RNF130: variants seen among roughly 807,000 people sequenced by gnomAD.
RNF130 encodes the protein E3 ubiquitin-protein ligase RNF130.
RNF130 carries 21 observed loss-of-function variants against 44.6 expected under a neutral mutation model. That is an observed-to-expected ratio of 0.47 (90% CI 0.33 to 0.68). RNF130 has a LOEUF of 0.68. RNF130 is among the 30% of genes least tolerant of loss of function. The probability of loss-of-function intolerance (pLI) is 0.02; values close to 1 mark genes in which losing one functional copy is unlikely to be tolerated. For synonymous variants in RNF130, 214 were observed against 210.4 expected (o/e 1.02, Z -0.15); for missense variants, 479 against 560.6 (o/e 0.85, Z 1.47).
intron 7 of RNF130, among the ~76,000 whole-genome samples, chr5:179,926,502 A>C (rs1761709157): frequency 6.6e-6 from 1 of 151,520 alleles, no homozygotes; most frequent in African/African-American, 2.4e-5. Flanking sequence ...AAAAAAAATT[A>C]GCCGGGTGTG....
intron 7 of RNF130, among the ~76,000 whole-genome samples, chr5:179,928,629 T>C (rs975525825): frequency 2.5e-5 from 3 of 119,536 alleles, no homozygotes; most frequent in African/African-American, 4.2e-5. Context: ...TTAATTGTTG[T>C]TGTTTTTTTT....
At chr5:179,984,723 T>G (rs1020023881) in intron 3 of RNF130, among the ~76,000 whole-genome samples, 3 of 152,164 alleles carry the variant, frequency 2.0e-5, no homozygotes, top group East Asian at 3.9e-4. Context: ...CTGTCTAGTT[T>G]TGGTATTAGG....
chr5:179,925,733 A>G (rs906762033), intron 7 of RNF130, among the ~76,000 whole-genome samples: 5 of 152,088 alleles, frequency 3.3e-5, no homozygotes, highest in Non-Finnish European at 7.4e-5. Flanking sequence ...GGGTCTTGTT[A>G]GGTTGACCAG....
chr5:180,018,764 C>A (rs549156350), intron 2 of RNF130, among the ~76,000 whole-genome samples: 10 of 152,334 alleles, frequency 6.6e-5, no homozygotes, highest in African/African-American at 2.4e-4. Context: ...CCAACACAGT[C>A]CTGCCAGCTA....
chr5:179,933,414 G>GTGTGTGTGTGTGTGTGTGTGTA (rs1191114340), intron 7 of RNF130, among the ~76,000 whole-genome samples: 2 of 151,826 alleles, frequency 1.3e-5, no homozygotes, highest in Non-Finnish European at 2.9e-5. Context: ...GTGTGTGTGT[G>GTGTGTGTGTGTGTGTGTGTGTA]TGTGTGTGAG....
At chr5:180,065,394 G>A (rs1226380898) in intron 1 of RNF130, among the ~76,000 whole-genome samples, 2 of 152,136 alleles carry the variant, frequency 1.3e-5, no homozygotes, top group African/African-American at 2.4e-5. Context: ...TTATGGCTGT[G>A]TAACACTCCA....
chr5:179,971,416 C>G (rs1243777191), intron 5 of RNF130, among the ~76,000 whole-genome samples: 1 of 152,218 alleles, frequency 6.6e-6, no homozygotes, highest in Non-Finnish European at 1.5e-5. Context: ...GTCGCCCAGG[C>G]TGAAGTGCAG....
At chr5:179,934,854 T>C (rs1309492018) in intron 7 of RNF130, among the ~76,000 whole-genome samples, 4 of 152,148 alleles carry the variant, frequency 2.6e-5, no homozygotes, top group African/African-American at 9.7e-5. Context: ...CTCGGCTTGG[T>C]TGATTTTTTT....
chr5:180,002,245 T>A (rs953945732), intron 3 of RNF130, among the ~76,000 whole-genome samples: 1 of 152,238 alleles, frequency 6.6e-6, no homozygotes, highest in Non-Finnish European at 1.5e-5. Flanking sequence ...AGGATACTGC[T>A]TCAGCTCCAG....
intron 5 of RNF130, chr5:179,976,685 AG>A (rs1762721955): frequency 6.7e-6 from 1 of 149,292 alleles, no homozygotes; most frequent in African/African-American, 2.4e-5. Flanking sequence ...ATTCTTCTTC[AG>A]TTTGATTTTT....
At chr5:179,946,648 G>T (rs547049955) in intron 7 of RNF130, among the ~76,000 whole-genome samples, 22 of 151,700 alleles carry the variant, frequency 1.5e-4, no homozygotes, top group African/African-American at 3.4e-4. Flanking sequence ...CCGCCTCCCG[G>T]GTTCACGCCA....
chr5:180,004,205 T>G (rs1763413302), intron 3 of RNF130, among the ~76,000 whole-genome samples: 1 of 152,278 alleles, frequency 6.6e-6, no homozygotes, highest in South Asian at 2.1e-4. Flanking sequence ...TATACTAAAG[T>G]TTGAGACTCA....
At chr5:179,926,344 A>G (rs1172218629) in intron 7 of RNF130, among the ~76,000 whole-genome samples, 1 of 152,110 alleles carries the variant, frequency 6.6e-6, no homozygotes, top group East Asian at 1.9e-4. Flanking sequence ...CCTTTGCAAT[A>G]TCCTTCATAA....
At chr5:179,974,118 G>A (rs1021024255) in intron 5 of RNF130, among the ~76,000 whole-genome samples, 13 of 152,108 alleles carry the variant, frequency 8.5e-5, no homozygotes, top group African/African-American at 3.1e-4. Context: ...AAATATAAAA[G>A]GATGCAGGAT....
rs150434843 is a variant in RNF130, at chr5:179,998,496, C to T, written c.693+14565G>A. On this transcript the variant is annotated intron_variant, in intron 3 of 8. Transcript: ENST00000521389. ...CTTAAAACTAAGAAACGCCATCTCA[C>T]TATATTGCCCAGGCTGGTCTTGAAC... 3.5e-4 allele frequency among the ~76,000 whole-genome samples: 54 copies of T among 152,242 alleles called. No homozygotes were observed. In the East Asian group the frequency reaches 8.3e-3, roughly 23 times the overall value.
chr5:179,947,865 A>G (rs1366260330), intron 7 of RNF130, among the ~76,000 whole-genome samples: 5 of 152,182 alleles, frequency 3.3e-5, no homozygotes, highest in East Asian at 1.9e-4. Flanking sequence ...TACATACAGT[A>G]TATCTATATA....
intron 4 of RNF130, among the ~76,000 whole-genome samples, chr5:179,979,096 G>C (rs571790334): frequency 6.6e-6 from 1 of 152,052 alleles, no homozygotes; most frequent in East Asian, 1.9e-4. Flanking sequence ...GGGATACAAA[G>C]TCAGATGGGT....
At chr5:180,047,395 A>T (rs1198732482) in intron 1 of RNF130, among the ~76,000 whole-genome samples, 2 of 152,130 alleles carry the variant, frequency 1.3e-5, no homozygotes, top group Admixed American at 1.3e-4. Context: ...ACTTTCACTT[A>T]AACCTAACAT....
intron 7 of RNF130, chr5:179,964,016 C>T (rs564773681): frequency 6.2e-6 from 1 of 161,014 alleles, no homozygotes; most frequent in South Asian, 1.8e-4. Flanking sequence ...CAGCAGTTCT[C>T]CAGGTCCTGT....
Sources: gnomAD v4.1 joint callset for allele counts (sites outside exome capture counted in the v4.1 genomes callset) on GRCh38, gnomAD v4.1.1 for gene constraint, MANE v1.5 for transcripts, NCBI Gene and HGNC (gene_info 2026-07-23, HGNC 2026-07-21) for gene names.